Variants in AP3B1 observed in about 807,000 individuals in gnomAD.
AP3B1 encodes the protein AP-3 complex subunit beta-1.
Under a neutral mutation model 132.5 loss-of-function variants are expected in AP3B1, and 61 were observed. The ratio of observed to expected loss-of-function variants is 0.46; its 90% confidence interval spans 0.37 to 0.57. The LOEUF (loss-of-function observed/expected upper bound fraction) is 0.57. AP3B1 is among the 20% of genes least tolerant of loss of function. The pLI is 0.00. For synonymous variants in AP3B1, 388 were observed against 438.3 expected (o/e 0.89, Z 1.43); for missense variants, 1,120 against 1,289.4 (o/e 0.87, Z 2.01).
intron 7 of AP3B1, among the ~76,000 whole-genome samples, chr5:78,195,165 T>C (rs1745028965): frequency 1.3e-5 from 2 of 152,046 alleles, no homozygotes; most frequent in Admixed American, 6.5e-5. Context: ...ACACTCTCAA[T>C]AGAAATGAAA....
chr5:78,033,167 T>G (rs1179151582), intron 24 of AP3B1, among the ~76,000 whole-genome samples: 1 of 152,108 alleles, frequency 6.6e-6, no homozygotes, highest in Non-Finnish European at 1.5e-5. Flanking sequence ...TGAATATACC[T>G]CTGGTGTCAG....
At chr5:78,099,585 G>A (rs1022129183) in intron 21 of AP3B1, among the ~76,000 whole-genome samples, 1 of 152,136 alleles carries the variant, frequency 6.6e-6, no homozygotes, top group Admixed American at 6.5e-5. Context: ...TTATCAGTAG[G>A]ATAAATTTCT....
At chr5:78,083,650 T>C (rs1750108120) in intron 22 of AP3B1, among the ~76,000 whole-genome samples, 2 of 152,242 alleles carry the variant, frequency 1.3e-5, no homozygotes, top group Admixed American at 6.5e-5. Context: ...AGCTATCTGT[T>C]GGCCAATGGC....
At chr5:78,231,463 C>T (rs1321384503) in intron 3 of AP3B1, among the ~76,000 whole-genome samples, 2 of 152,012 alleles carry the variant, frequency 1.3e-5, no homozygotes, top group African/African-American at 2.4e-5. Context: ...TGTGAGCCAC[C>T]ATACCTGGCC....
rs141822880 is a variant in AP3B1, at chr5:78,228,159, A to G, written c.360T>C (p.Phe120=). Residue 120 remains phenylalanine (F), a synonymous_variant, in exon 4 of 27, where the codon TTT becomes TTC. Transcript: ENST00000255194. Reference sequence around the variant, plus strand: ...CATTATTTACCTTCAGAGCTCGCTGAAAAGTGCTTATGGACAGGAGTGCAA... The same window carrying G: ...CATTATTTACCTTCAGAGCTCGCTGGAAAGTGCTTATGGACAGGAGTGCAA... The part of the protein sequence containing the change: ...QDLALLSIST[F]QRALKDPNQL... The G allele has an allele frequency of 6.2e-7, 1 of 1,605,618 alleles. No individual in the cohort carries two copies. Among genetic ancestry groups the G allele is most frequent in the Non-Finnish European group, 8.5e-7 (1 of 1,177,276 alleles).
chr5:78,013,720 C>T (rs186411941), intron 26 of AP3B1, among the ~76,000 whole-genome samples: 189 of 152,272 alleles, frequency 1.2e-3, no homozygotes, highest in African/African-American at 4.2e-3. Flanking sequence ...TTTATTTTCA[C>T]TGAAAAGGCT....
chr5:78,230,760 C>T (rs1580518662), intron 3 of AP3B1, among the ~76,000 whole-genome samples: 1 of 152,126 alleles, frequency 6.6e-6, no homozygotes. Context: ...ATGACAGTTC[C>T]TCCATATAAC....
intron 7 of AP3B1, among the ~76,000 whole-genome samples, chr5:78,184,029 A>G (rs1048266652): frequency 6.6e-6 from 1 of 150,940 alleles, no homozygotes; most frequent in Non-Finnish European, 1.5e-5. Flanking sequence ...TTAGCCAGGC[A>G]TGGTGGTGGA....
At chr5:78,163,851 T>A (rs1349422886) in intron 12 of AP3B1, among the ~76,000 whole-genome samples, 1 of 151,844 alleles carries the variant, frequency 6.6e-6, no homozygotes, top group African/African-American at 2.4e-5. Flanking sequence ...TTGTATCATA[T>A]ACATGAAATT....
chr5:78,103,767 C>T (rs1445796209), intron 20 of AP3B1, among the ~76,000 whole-genome samples: 1 of 152,022 alleles, frequency 6.6e-6, no homozygotes, highest in Non-Finnish European at 1.5e-5. Flanking sequence ...CTCAACACAT[C>T]AACATTTTCA....
intron 14 of AP3B1, among the ~76,000 whole-genome samples, chr5:78,146,350 C>T (rs1221318911): frequency 2.0e-5 from 3 of 152,192 alleles, no homozygotes; most frequent in Non-Finnish European, 4.4e-5. Flanking sequence ...TTTGATTCTT[C>T]CTTGCTTGTC....
intron 21 of AP3B1, among the ~76,000 whole-genome samples, chr5:78,099,075 G>A (rs551590793): frequency 4.4e-4 from 67 of 152,288 alleles, no homozygotes; most frequent in Admixed American, 7.2e-4. Context: ...CCTTATAAAA[G>A]TGGTATGAGG....
rs188921233 is a variant in AP3B1 at position 78,040,278 on chromosome 5, G to T, written c.2578-1004C>A. 3.1e-3 allele frequency among the ~76,000 whole-genome samples: 474 copies of T among 152,106 alleles called. 2 individuals carry two copies. Among genetic ancestry groups the T allele is most frequent in the African/African-American group, 0.011 (452 of 41,500 alleles). On this transcript the variant is annotated intron_variant, in intron 22 of 26. Transcript: ENST00000255194. ...ATTTTCTCCAGATACTGAACTAATT[G>T]TCCCTACATGAGCTAATGAATAGTC...
intron 26 of AP3B1, among the ~76,000 whole-genome samples, chr5:78,013,246 T>C (rs1207798918): frequency 1.3e-5 from 2 of 152,170 alleles, no homozygotes; most frequent in Non-Finnish European, 2.9e-5. Flanking sequence ...GGTCTCCCTA[T>C]GTTGCCCAGT....
chr5:78,156,097 T>C (rs1743136989), intron 14 of AP3B1, among the ~76,000 whole-genome samples, 161 bp downstream of exon 14: 3 of 152,176 alleles, frequency 2.0e-5, no homozygotes, highest in South Asian at 4.1e-4. Flanking sequence ...CTATTCAGAT[T>C]TGTAATTCCC....
chr5:78,222,863 T>C (rs1746239807), intron 6 of AP3B1, among the ~76,000 whole-genome samples: 1 of 152,012 alleles, frequency 6.6e-6, no homozygotes, highest in Non-Finnish European at 1.5e-5. Context: ...TAATTAAATA[T>C]TTAACTCTAA....
chr5:78,289,243 A>G (rs1749408852), intron 1 of AP3B1, among the ~76,000 whole-genome samples: 1 of 152,236 alleles, frequency 6.6e-6, no homozygotes, highest in Admixed American at 6.5e-5. Context: ...CCACAGACAC[A>G]TGTAATCTTC....
intron 1 of AP3B1, among the ~76,000 whole-genome samples, chr5:78,280,041 C>A (rs1580586760): frequency 1.4e-5 from 2 of 143,050 alleles, no homozygotes; most frequent in African/African-American, 2.6e-5. Context: ...CCACTGCACT[C>A]CAGCCTGGGC....
chr5:78,292,543 G>C (rs1411305589), intron 1 of AP3B1, among the ~76,000 whole-genome samples: 1 of 152,130 alleles, frequency 6.6e-6, no homozygotes, highest in African/African-American at 2.4e-5. Context: ...TTCTACCTTT[G>C]TGGCCTTTTC....
Sources: allele counts gnomAD v4.1 joint callset (sites outside exome capture counted in the v4.1 genomes callset), GRCh38; gene constraint gnomAD v4.1.1; transcripts MANE v1.5; gene names NCBI Gene and HGNC (gene_info 2026-07-23, HGNC 2026-07-21).